STMN4: variants seen among roughly 807,000 people sequenced by gnomAD.
STMN4 encodes the protein stathmin 4.
STMN4 carries 12 observed loss-of-function variants against 29.1 expected under a neutral mutation model. The observed-to-expected ratio is 0.41, with a 90% CI of 0.26 to 0.67. The LOEUF (loss-of-function observed/expected upper bound fraction) is 0.67. STMN4 is among the 30% of genes least tolerant of loss of function. STMN4 has a pLI of 0.30. For missense variants in STMN4, 181 were observed against 262.8 expected, an observed-to-expected ratio of 0.69 and a Z score of 2.15; for synonymous variants, 114 against 105.3, an observed-to-expected ratio of 1.08 and a Z score of -0.51.
intron 3 of STMN4, chr8:27,242,057 T>A (rs1360908584): frequency 5.3e-6 from 3 of 563,540 alleles, no homozygotes; most frequent in Non-Finnish European, 6.3e-6. Context: ...CATCGTCTCA[T>A]CTTCTCTTCT....
At chr8:27,248,217 C>CTATTTATT (rs140800660) in intron 1 of STMN4, among the ~76,000 whole-genome samples, 25 of 152,058 alleles carry the variant, frequency 1.6e-4, no homozygotes, top group East Asian at 9.7e-4. Context: ...AGAGAGGACT[C>CTATTTATT]TATTTATTTA....
In STMN4 at chr8:27,240,053, T is replaced by G. The variant is rs1801424382; in HGVS notation, c.509A>C (p.Glu170Ala). The change falls in exon 6 of 7, where the codon GAA (glutamate) becomes GCA (alanine). Residue 170 changes from glutamate to alanine, a missense_variant. Glu to Ala is a moderately radical substitution (Grantham distance 107). Transcript: ENST00000350889. ...ENNNFIKMAK[E>A]KLAQKMESNK... ...GGATTCCATCTTCTGGGCCAGTTTT[T>G]CCTTAGCCATCTTGATGAAGTTGTT... 1 of 1,614,136 alleles carries G rather than the reference T, an allele frequency of 6.2e-7. No homozygotes were observed. The highest frequency in any genetic ancestry group is 1.3e-5 in the African/African-American group (1 of 74,936).
intron 1 of STMN4, 101 bp from the exon 2 acceptor site, chr8:27,243,902 T>A: frequency 1.9e-6 from 2 of 1,075,210 alleles, no homozygotes; most frequent in African/African-American, 1.6e-5. Context: ...CAGGGGTACC[T>A]CATTTGCTCT....
At chr8:27,237,926 GC>G (rs1218944108) in intron 6 of STMN4, among the ~76,000 whole-genome samples, 1 of 152,200 alleles carries the variant, frequency 6.6e-6, no homozygotes, top group African/African-American at 2.4e-5. Flanking sequence ...CTTACACATG[GC>G]AAGCACTCAA....
intron 3 of STMN4, chr8:27,242,084 A>T (rs1801491084): frequency 1.8e-6 from 1 of 557,530 alleles, no homozygotes. Context: ...GATGTTCCCC[A>T]CAGGTAGAAT....
chr8:27,239,327 A>T, intron 6 of STMN4: 2 of 1,531,570 alleles, frequency 1.3e-6, no homozygotes, highest in East Asian at 4.9e-5. Flanking sequence ...CTGCAGGAGA[A>T]ACTGGGGCGG....
chr8:27,253,262 T>C (rs1276168354), intron 1 of STMN4, among the ~76,000 whole-genome samples: 1 of 152,262 alleles, frequency 6.6e-6, no homozygotes, highest in Non-Finnish European at 1.5e-5. Flanking sequence ...GTTTTCTTTA[T>C]TCTTTCATTC....
chr8:27,251,118 A>T lies in STMN4; in HGVS notation c.-79+7233T>A, dbSNP rs187845628. On this transcript the variant is annotated intron_variant, in intron 1 of 6. Coordinates refer to ENST00000350889, the MANE Select transcript of STMN4 (RefSeq NM_030795.4). Reference sequence around the variant, plus strand: ...AAAAATTAGCCCAGCGTGGTGGTGCATGCCTGTAGTCTCAGTCCCAGCTAC... The same window carrying T: ...AAAAATTAGCCCAGCGTGGTGGTGCTTGCCTGTAGTCTCAGTCCCAGCTAC... 3.7e-3 allele frequency among the ~76,000 whole-genome samples: 570 copies of T among 152,112 alleles called. 4 individuals are homozygous for T. In the Middle Eastern group the frequency reaches 0.055, roughly 15 times the overall value.
At chr8:27,244,682 G>GA (rs1299019674) in intron 1 of STMN4, among the ~76,000 whole-genome samples, 1 of 152,102 alleles carries the variant, frequency 6.6e-6, no homozygotes, top group Non-Finnish European at 1.5e-5. Flanking sequence ...GTCGGGGTGA[G>GA]AACGCCACTC....
At chr8:27,246,992 T>A (rs975025396) in intron 1 of STMN4, among the ~76,000 whole-genome samples, 2 of 152,240 alleles carry the variant, frequency 1.3e-5, no homozygotes, top group African/African-American at 4.8e-5. Flanking sequence ...TGGTGCCTCA[T>A]GCTGTAATCC....
chr8:27,252,022 C>T (rs1801803572), intron 1 of STMN4, among the ~76,000 whole-genome samples: 1 of 151,472 alleles, frequency 6.6e-6, no homozygotes, highest in Non-Finnish European at 1.5e-5. Flanking sequence ...CATGTGATCT[C>T]GTTGTTCAAT....
intron 1 of STMN4, among the ~76,000 whole-genome samples, chr8:27,256,899 C>T (rs1002092747): frequency 6.6e-6 from 1 of 152,128 alleles, no homozygotes; most frequent in African/African-American, 2.4e-5. Flanking sequence ...TCACTCCCTA[C>T]AGGGCAGCAT....
intron 1 of STMN4, among the ~76,000 whole-genome samples, chr8:27,244,474 A>C (rs1248373312): frequency 6.6e-6 from 1 of 152,142 alleles, no homozygotes; most frequent in Non-Finnish European, 1.5e-5. Context: ...ACACAGAGAT[A>C]GGGCTCCACA....
At chr8:27,252,272 C>G (rs920786973) in intron 1 of STMN4, among the ~76,000 whole-genome samples, 1 of 152,144 alleles carries the variant, frequency 6.6e-6, no homozygotes, top group Admixed American at 6.5e-5. Context: ...AATAAACATA[C>G]GTGTCCATGT....
intron 6 of STMN4, chr8:27,239,194 G>A: frequency 6.5e-7 from 1 of 1,532,100 alleles, no homozygotes; most frequent in Non-Finnish European, 8.7e-7. Flanking sequence ...CTAGGTGGAT[G>A]GGCAGGAAGG....
chr8:27,242,305 G>C (rs1801498071), intron 3 of STMN4, 92 bp downstream of exon 3: 1 of 1,239,994 alleles, frequency 8.1e-7, no homozygotes, highest in African/African-American at 1.5e-5. Context: ...CGGGAGGAGA[G>C]ATTCACGGGA....
Position 27,243,726 on chromosome 8 carries a change from T to G in STMN4, c.-3A>C. ...TTGTACCTACCAGCAAGGGTCATGT[T>G]TCTGGGATCTGGTGGCTGAATCTAG... is the stretch of plus-strand genomic sequence containing the variant. On this transcript the variant is annotated 5_prime_UTR_variant, in exon 2 of 7. Coordinates refer to ENST00000350889, the MANE Select transcript of STMN4 (RefSeq NM_030795.4). 1 of 1,614,202 alleles carries G rather than the reference T, an allele frequency of 6.2e-7. No homozygotes were observed. Among genetic ancestry groups the G allele is most frequent in the Non-Finnish European group, 8.5e-7 (1 of 1,180,028 alleles).
At chr8:27,251,261 A>AAT (rs1018132584) in intron 1 of STMN4, among the ~76,000 whole-genome samples, 12 of 147,726 alleles carry the variant, frequency 8.1e-5, no homozygotes, top group South Asian at 6.4e-4. Flanking sequence ...TCAAAAAATA[A>AAT]ATATATATAT....
intron 1 of STMN4, among the ~76,000 whole-genome samples, chr8:27,251,282 A>G (rs1801775493): frequency 1.4e-5 from 2 of 143,280 alleles, no homozygotes; most frequent in Admixed American, 1.4e-4. Context: ...ATACACGTAT[A>G]TACGTATATA....
Sources: gnomAD v4.1 joint callset for allele counts (sites outside exome capture counted in the v4.1 genomes callset) on GRCh38, gnomAD v4.1.1 for gene constraint, MANE v1.5 for transcripts, NCBI Gene and HGNC (gene_info 2026-07-23, HGNC 2026-07-21) for gene names.